CNOT6: variants seen among roughly 807,000 people sequenced by gnomAD.
CNOT6 encodes carbon catabolite repression 4 protein.
In CNOT6, 12 loss-of-function variants were observed where a neutral mutation model predicts 61.2. That is an observed-to-expected ratio of 0.20 (90% CI 0.13 to 0.32). The LOEUF (loss-of-function observed/expected upper bound fraction) is 0.32, where lower values mean the gene tolerates loss of function less well. Ranked by LOEUF, CNOT6 falls within the 10% of genes least tolerant of loss-of-function variation. The pLI, the probability that CNOT6 is intolerant of heterozygous loss-of-function variation, is 1.00. For missense variants in CNOT6, 405 were observed against 663.9 expected (o/e 0.61, Z 4.28); for synonymous variants, 225 against 240.6 (o/e 0.94, Z 0.60).
intron 1 of CNOT6, among the ~76,000 whole-genome samples, chr5:180,496,227 CTT>C (rs1756608405): frequency 6.6e-6 from 1 of 152,280 alleles, no homozygotes; most frequent in South Asian, 2.1e-4. Context: ...AATGTGATGA[CTT>C]TTAGAGTAAA....
At chr5:180,495,621 A>G (rs1450751030) in intron 1 of CNOT6, 1 of 152,202 alleles carries the variant, frequency 6.6e-6, no homozygotes, top group Non-Finnish European at 1.5e-5. Flanking sequence ...ATCTGCTTCA[A>G]TTTGAGTTCC....
At chr5:180,555,355 T>C (rs1009093998) in intron 4 of CNOT6, among the ~76,000 whole-genome samples, 3 of 152,200 alleles carry the variant, frequency 2.0e-5, no homozygotes, top group African/African-American at 7.2e-5. Flanking sequence ...TAAGTGTAAA[T>C]GCCTGCAGCA....
chr5:180,514,998 T>C (rs1299172973), intron 1 of CNOT6, among the ~76,000 whole-genome samples: 1 of 152,172 alleles, frequency 6.6e-6, no homozygotes, highest in Non-Finnish European at 1.5e-5. Flanking sequence ...TGGGGAGTAC[T>C]GAACTTGTTT....
chr5:180,547,615 TATGAA>T (rs1413498532), intron 2 of CNOT6, among the ~76,000 whole-genome samples: 1 of 152,252 alleles, frequency 6.6e-6, no homozygotes, highest in Non-Finnish European at 1.5e-5. Flanking sequence ...GCTCCTCCCA[TATGAA>T]ATGTTTTTCC....
intron 1 of CNOT6, among the ~76,000 whole-genome samples, chr5:180,510,367 A>G (rs1757336263): frequency 6.6e-6 from 1 of 152,066 alleles, no homozygotes; most frequent in African/African-American, 2.4e-5. Context: ...AGAAACAAAC[A>G]AATGTGATGA....
At chr5:180,544,641 T>C (rs1420506455) in intron 2 of CNOT6, among the ~76,000 whole-genome samples, 3 of 152,248 alleles carry the variant, frequency 2.0e-5, no homozygotes, top group African/African-American at 7.2e-5. Flanking sequence ...GATGGAATTA[T>C]GATCACCCTG....
intron 1 of CNOT6, among the ~76,000 whole-genome samples, chr5:180,511,454 A>G (rs1257678758): frequency 1.3e-5 from 2 of 152,166 alleles, no homozygotes; most frequent in Non-Finnish European, 2.9e-5. Context: ...TACTAAAAAT[A>G]TAAAATATTA....
chr5:180,519,088 G>A (rs914097535), intron 1 of CNOT6, among the ~76,000 whole-genome samples: 2 of 152,188 alleles, frequency 1.3e-5, no homozygotes, highest in Admixed American at 1.3e-4. Flanking sequence ...GGAATAGCAG[G>A]GAATTGTAAT....
rs1400677523 is a variant in CNOT6 at position 180,574,877 on chromosome 5, T to G, written c.*677T>G. ...CTTTCTTTTTAAATTGAGAACATGG[T>G]TCTTTACATATAAATCTGCTTCAAC... On this transcript the variant is annotated 3_prime_UTR_variant, in exon 12 of 12. Coordinates refer to ENST00000261951, the MANE Select transcript of CNOT6 (RefSeq NM_001370472.1). 3 of 152,860 alleles carry G rather than the reference T, an allele frequency of 2.0e-5. No individual in the cohort carries two copies. In the East Asian group the frequency reaches 5.8e-4, roughly 29 times the overall value. 9.5% of individuals were successfully genotyped at this position (152,860 alleles called of 1,614,324 possible).
At chr5:180,508,834 T>TTAG (rs748509510) in intron 1 of CNOT6, among the ~76,000 whole-genome samples, 1 of 49,374 alleles carries the variant, frequency 2.0e-5, no homozygotes, top group Admixed American at 2.0e-4. Context: ...ATTATTATTA[T>TTAG]TTTTTTTTGA....
At chr5:180,563,608 C>T (rs906584651) in intron 4 of CNOT6, among the ~76,000 whole-genome samples, 5 of 152,030 alleles carry the variant, frequency 3.3e-5, no homozygotes, top group African/African-American at 1.2e-4. Context: ...TCTTATCTAC[C>T]ATATCCTTTA....
intron 2 of CNOT6, among the ~76,000 whole-genome samples, chr5:180,539,579 TTTTTTTTTTTTTTTTTTTTTTTTTTTTTG>T (rs2127732666): frequency 4.4e-5 from 2 of 45,332 alleles, no homozygotes; most frequent in African/African-American, 1.2e-4. Flanking sequence ...TTTTTTTTTT[TTTTTTTTTTTTTTTTTTTTTTTTTTTTTG>T]AGACGGAGTC....
intron 1 of CNOT6, among the ~76,000 whole-genome samples, chr5:180,508,885 T>C (rs11748611): frequency 0.46 from 68,684 of 150,476 alleles, 16,907 homozygotes; most frequent in Non-Finnish European, 0.56. Context: ...TGCAGTGGCG[T>C]GATCCTGGCT....
intron 2 of CNOT6, among the ~76,000 whole-genome samples, chr5:180,536,161 A>G (rs983364814): frequency 5.9e-4 from 25 of 42,084 alleles, no homozygotes; most frequent in Middle Eastern, 0.037. Flanking sequence ...ACACCCGGCT[A>G]ATTTTTTGTA....
At chr5:180,511,823 T>C (rs940929353) in intron 1 of CNOT6, among the ~76,000 whole-genome samples, 6 of 152,202 alleles carry the variant, frequency 3.9e-5, no homozygotes, top group African/African-American at 1.4e-4. Flanking sequence ...GTTCTCTCTC[T>C]GTTGCCCAGG....
chr5:180,546,481 T>C (rs1029571056), intron 2 of CNOT6, among the ~76,000 whole-genome samples: 6 of 152,238 alleles, frequency 3.9e-5, no homozygotes, highest in African/African-American at 7.2e-5. Context: ...TGTCAAGTAC[T>C]AGTACACCTC....
chr5:180,570,184 C>T (rs1341696454), intron 10 of CNOT6, among the ~76,000 whole-genome samples: 2 of 152,174 alleles, frequency 1.3e-5, no homozygotes, highest in African/African-American at 4.8e-5. Flanking sequence ...ATGGTGAAAC[C>T]CCATCTGTAC....
At chr5:180,498,139 C>T (rs1222079787) in intron 1 of CNOT6, among the ~76,000 whole-genome samples, 3 of 151,718 alleles carry the variant, frequency 2.0e-5, no homozygotes, top group Non-Finnish European at 4.4e-5. Context: ...TATTTTGGTA[C>T]TTGAATAAGT....
At chr5:180,500,102 T>C (rs1435376493) in intron 1 of CNOT6, among the ~76,000 whole-genome samples, 2 of 116,052 alleles carry the variant, frequency 1.7e-5, no homozygotes, top group Admixed American at 8.4e-5. Flanking sequence ...CTTTTCTTTT[T>C]TTTTCCCCCC....
Sources: gnomAD v4.1 joint callset for allele counts (sites outside exome capture counted in the v4.1 genomes callset) on GRCh38, gnomAD v4.1.1 for gene constraint, MANE v1.5 for transcripts, NCBI Gene and HGNC (gene_info 2026-07-23, HGNC 2026-07-21) for gene names.